FBXL17: variants seen among roughly 807,000 people sequenced by gnomAD.
The protein encoded by FBXL17 is F-box/LRR-repeat protein 17.
In FBXL17, 22 loss-of-function variants were observed where a neutral mutation model predicts 66.2. The observed-to-expected ratio is 0.33, with a 90% CI of 0.24 to 0.47. The LOEUF is 0.47. Among genes scored for constraint, FBXL17 ranks in the 20% least tolerant of loss-of-function variants. The probability of loss-of-function intolerance (pLI) is 1.00; values close to 1 mark genes in which losing one functional copy is unlikely to be tolerated. For missense variants in FBXL17, 878 were observed against 948.2 expected (o/e 0.93, Z 0.97); for synonymous variants, 474 against 400.5 (o/e 1.18, Z -2.19).
intron 6 of FBXL17, among the ~76,000 whole-genome samples, chr5:108,050,051 A>T (rs1013710745): frequency 2.6e-5 from 4 of 152,192 alleles, no homozygotes; most frequent in Non-Finnish European, 4.4e-5. Context: ...TCCTAAATAT[A>T]CATGTACCCA....
chr5:107,922,055 A>G (rs1750342042), intron 7 of FBXL17, among the ~76,000 whole-genome samples: 1 of 152,176 alleles, frequency 6.6e-6, no homozygotes, highest in Non-Finnish European at 1.5e-5. Flanking sequence ...GAGAGAGGCC[A>G]ATAAGACCTG....
At chr5:108,099,031 C>G (rs1749499844) in intron 6 of FBXL17, among the ~76,000 whole-genome samples, 1 of 152,078 alleles carries the variant, frequency 6.6e-6, no homozygotes, top group Admixed American at 6.5e-5. Flanking sequence ...AAAGACTCAT[C>G]CTGCTTACTC....
chr5:108,218,835 T>C (rs1247679538), intron 5 of FBXL17, among the ~76,000 whole-genome samples: 2 of 152,200 alleles, frequency 1.3e-5, no homozygotes, highest in Non-Finnish European at 2.9e-5. Flanking sequence ...TAGCTCCTTA[T>C]CAGATATATG....
chr5:108,164,519 TG>T (rs763873590), intron 6 of FBXL17, among the ~76,000 whole-genome samples: 6 of 152,180 alleles, frequency 3.9e-5, no homozygotes, highest in Non-Finnish European at 7.4e-5. Flanking sequence ...TTGAACACTG[TG>T]GTGGTAATGT....
chr5:108,266,633 A>G (rs2150132401), intron 4 of FBXL17, among the ~76,000 whole-genome samples: 1 of 152,290 alleles, frequency 6.6e-6, no homozygotes, highest in Middle Eastern at 3.4e-3. Flanking sequence ...AAAAGGTAGC[A>G]GTTTTGGACT....
chr5:108,168,279 T>C (rs962851891), intron 6 of FBXL17, among the ~76,000 whole-genome samples: 5 of 152,118 alleles, frequency 3.3e-5, no homozygotes, highest in Non-Finnish European at 7.4e-5. Context: ...ACCTACTCTC[T>C]TGAAATTTAA....
chr5:108,171,153 T>C (rs1164200494), intron 6 of FBXL17, among the ~76,000 whole-genome samples: 1 of 152,212 alleles, frequency 6.6e-6, no homozygotes, highest in Non-Finnish European at 1.5e-5. Flanking sequence ...CAAGATTAAA[T>C]AGCAGTACTG....
At chr5:108,361,474 C>T (rs1297908966) in intron 3 of FBXL17, among the ~76,000 whole-genome samples, 1 of 152,082 alleles carries the variant, frequency 6.6e-6, no homozygotes, top group African/African-American at 2.4e-5. Context: ...AGCAAGCACA[C>T]AGTGATAAAG....
chr5:108,382,062 CTG>C lies in FBXL17; in HGVS notation c.-373_-372del. 1 of 779,930 alleles carries C rather than the reference CTG, an allele frequency of 1.3e-6. No individual in the cohort carries two copies. The highest frequency in any genetic ancestry group is 1.6e-6 in the Non-Finnish European group (1 of 629,272). The allele number at this position is 779,930 out of a possible 1,614,324, so 48.3% of individuals were successfully genotyped here. A position where few individuals can be genotyped will look rare whatever the true frequency, so the allele number is the denominator to read the frequency against. The stretch of plus-strand genomic sequence containing the variant: ...CCGGGTCCCGCTCGGACCATTTTAA[CTG>C]CGGATCCGCCGCCGGCGCGCGCACC... On this transcript the variant is annotated 5_prime_UTR_variant, in exon 1 of 9. Transcript: ENST00000542267.
chr5:108,371,196 A>T (rs949690773), intron 1 of FBXL17, among the ~76,000 whole-genome samples: 2 of 152,222 alleles, frequency 1.3e-5, no homozygotes, highest in Non-Finnish European at 2.9e-5. Flanking sequence ...ATGCTACGTC[A>T]GTAGCAGAGC....
chr5:107,943,981 C>T (rs926343838), intron 7 of FBXL17, among the ~76,000 whole-genome samples: 1 of 152,172 alleles, frequency 6.6e-6, no homozygotes, highest in Non-Finnish European at 1.5e-5. Flanking sequence ...CTTGAAGGTG[C>T]CTTGTACATT....
intron 6 of FBXL17, among the ~76,000 whole-genome samples, chr5:108,153,999 G>T (rs1218236485): frequency 6.6e-6 from 1 of 152,024 alleles, no homozygotes; most frequent in Non-Finnish European, 1.5e-5. Flanking sequence ...GCCCAAATGA[G>T]CTCACTCTGC....
At chr5:108,055,393 G>A (rs1277349863) in intron 6 of FBXL17, among the ~76,000 whole-genome samples, 1 of 147,870 alleles carries the variant, frequency 6.8e-6, no homozygotes, top group African/African-American at 2.5e-5. Context: ...CGGATCACAA[G>A]GTCAGGAGAT....
chr5:108,079,709 T>C (rs1247777803), intron 6 of FBXL17, among the ~76,000 whole-genome samples: 4 of 152,186 alleles, frequency 2.6e-5, no homozygotes, highest in Non-Finnish European at 4.4e-5. Flanking sequence ...GGTTATTTTG[T>C]GGGTGCCAGC....
Position 107,881,195 on chromosome 5 carries a change from C to G in FBXL17, c.1823-16G>C. The G allele has an allele frequency of 6.6e-7, 1 of 1,506,702 alleles. No individual in the cohort carries two copies. The highest frequency in any genetic ancestry group is 9.1e-7 in the Non-Finnish European group (1 of 1,095,058). The allele number at this position is 1,506,702 out of a possible 1,614,324, so 93.3% of individuals were successfully genotyped here. A position where few individuals can be genotyped will look rare whatever the true frequency, so the allele number is the denominator to read the frequency against. On this transcript the variant is annotated splice_polypyrimidine_tract_variant and intron_variant, in intron 7 of 8. Coordinates refer to ENST00000542267, the MANE Select transcript of FBXL17 (RefSeq NM_001163315.3). ...GCTATCAGTGCTGCAAGAAGGGACG[C>G]AGAGAAAGCATTAATGTTAGCAGTG...
At chr5:107,976,818 C>A (rs964653663) in intron 7 of FBXL17, among the ~76,000 whole-genome samples, 1 of 152,108 alleles carries the variant, frequency 6.6e-6, no homozygotes, top group Non-Finnish European at 1.5e-5. Flanking sequence ...TTTAAGGTCT[C>A]AAGCCATATA....
intron 4 of FBXL17, among the ~76,000 whole-genome samples, chr5:108,347,626 G>C (rs2112471037): frequency 6.6e-6 from 1 of 152,232 alleles, no homozygotes; most frequent in Admixed American, 6.5e-5. Flanking sequence ...TCTAGACTAG[G>C]AAAACCCATA....
At chr5:108,009,306 T>TATATAC (rs1561365393) in intron 7 of FBXL17, among the ~76,000 whole-genome samples, 8 of 17,438 alleles carry the variant, frequency 4.6e-4, no homozygotes, top group African/African-American at 1.3e-3. Flanking sequence ...TATATACATA[T>TATATAC]ATACATACAC....
chr5:108,371,569 G>A lies in FBXL17; in HGVS notation c.994-3616C>T, dbSNP rs184577594. ...GGAAATGAAAAGAAACTGCCCATGA[G>A]AAAACCCAGACATTGGACTTACTAG... On this transcript the variant is annotated intron_variant, in intron 1 of 8. Transcript: ENST00000542267. 2.6e-3 allele frequency among the ~76,000 whole-genome samples: 398 copies of A among 152,192 alleles called. 1 individual carries two copies. Among genetic ancestry groups the A allele is most frequent in the Non-Finnish European group, 4.0e-3 (270 of 67,992 alleles).
Sources: allele counts gnomAD v4.1 joint callset (sites outside exome capture counted in the v4.1 genomes callset), GRCh38; gene constraint gnomAD v4.1.1; transcripts MANE v1.5; gene names NCBI Gene and HGNC (gene_info 2026-07-23, HGNC 2026-07-21).